S100A10: variants seen among roughly 807,000 people sequenced by gnomAD.
The protein encoded by S100A10 is protein S100-A10.
S100A10 carries 3 observed loss-of-function variants against 7.1 expected under a neutral mutation model. That is an observed-to-expected ratio of 0.42 (90% confidence interval 0.19 to 1.10). The LOEUF (loss-of-function observed/expected upper bound fraction) is 1.10, where lower values mean the gene tolerates loss of function less well. Among genes scored for constraint, S100A10 ranks in the 50% least tolerant of loss-of-function variants. S100A10 has a pLI of 0.29. For synonymous variants in S100A10, 41 were observed against 39.3 expected (o/e 1.04, Z -0.16); for missense variants, 101 against 118.1 (o/e 0.86, Z 0.67).
chr1:151,986,758 T>G (rs1252979095), intron 1 of S100A10, among the ~76,000 whole-genome samples: 2 of 152,204 alleles, frequency 1.3e-5, no homozygotes, highest in Non-Finnish European at 2.9e-5. Context: ...TAGATTTACA[T>G]TAACTTTTAA....
intron 1 of S100A10, among the ~76,000 whole-genome samples, chr1:151,989,770 C>T (rs1655868405): frequency 2.0e-5 from 3 of 152,210 alleles, no homozygotes; most frequent in Non-Finnish European, 4.4e-5. Flanking sequence ...TGAAGTTCTT[C>T]AGGGACTTCA....
Position 151,993,404 on chromosome 1 carries a change from G to C in S100A10, c.-22+348C>G, listed in dbSNP as rs1271688107. Among the ~76,000 whole-genome samples the C allele has an allele frequency of 6.6e-6, 1 of 152,206 alleles. No individual in the cohort carries two copies. The highest frequency in any genetic ancestry group is 2.4e-5 in the African/African-American group (1 of 41,450). On this transcript the variant is annotated intron_variant, in intron 1 of 2. Coordinates refer to ENST00000368811, the MANE Select transcript of S100A10 (RefSeq NM_002966.3). This position sits in a 1 kb window ranked among gnomAD's most constrained non-coding sequence, Gnocchi z 5.1. ...GTGTAGGAGGGATTCGGTAACCCGA[G>C]AGACGAGTGGGAAAGTAGGAAAGGT...
intron 2 of S100A10, chr1:151,985,335 C>T (rs1292758211): frequency 6.6e-6 from 1 of 152,184 alleles, no homozygotes; most frequent in Non-Finnish European, 1.5e-5. Context: ...CTCTCGAGAA[C>T]CTGGAATATA....
At chr1:151,988,642 GGA>G (rs1420436949) in intron 1 of S100A10, among the ~76,000 whole-genome samples, 4 of 152,230 alleles carry the variant, frequency 2.6e-5, no homozygotes, top group Admixed American at 2.6e-4. Flanking sequence ...TAGTTATCTT[GGA>G]GAGAGCTGCA....
chr1:151,987,027 C>CTTTTTTTTTTT (rs386368314), intron 1 of S100A10, among the ~76,000 whole-genome samples: 1 of 83,526 alleles, frequency 1.2e-5, no homozygotes, highest in Non-Finnish European at 2.1e-5. Flanking sequence ...CAGTGTTCCT[C>CTTTTTTTTTTT]TTTTTTTTTT....
At chr1:151,990,558 A>T (rs2101770946) in intron 1 of S100A10, among the ~76,000 whole-genome samples, 1 of 152,344 alleles carries the variant, frequency 6.6e-6, no homozygotes, top group Non-Finnish European at 1.5e-5. Flanking sequence ...TATGGAAAAC[A>T]ATTCTGGACT....
intron 1 of S100A10, among the ~76,000 whole-genome samples, chr1:151,990,932 A>G (rs1655892278): frequency 1.3e-5 from 2 of 152,206 alleles, no homozygotes; most frequent in African/African-American, 2.4e-5. Flanking sequence ...CGAGTAGCAG[A>G]CAAGCAGGAG....
Position 151,983,091 on chromosome 1 carries a change from C to A in S100A10, c.*72G>T. 2 of 1,073,988 alleles carry A rather than the reference C, an allele frequency of 1.9e-6. No individual in the cohort carries two copies. Among genetic ancestry groups the A allele is most frequent in the Non-Finnish European group, 2.6e-6 (2 of 782,544 alleles). The allele number at this position is 1,073,988 out of a possible 1,614,324, so 66.5% of individuals were successfully genotyped here. A position where few individuals can be genotyped will look rare whatever the true frequency, so the allele number is the denominator to read the frequency against. On this transcript the variant is annotated 3_prime_UTR_variant, in exon 3 of 3. Coordinates refer to ENST00000368811, the MANE Select transcript of S100A10 (RefSeq NM_002966.3). ...TCATGAAATCCTTCTATGGGGGAAG[C>A]TGTGGGGCAGATTCCTTAAGCGACC...
At chr1:151,989,441 C>T (rs1347472020) in intron 1 of S100A10, among the ~76,000 whole-genome samples, 2 of 152,096 alleles carry the variant, frequency 1.3e-5, no homozygotes, top group Non-Finnish European at 2.9e-5. Context: ...AGGGAGTAGC[C>T]AGGAGGTGAA....
In S100A10 at chr1:151,993,550, G is replaced by C. The variant is rs1319836028; in HGVS notation, c.-22+202C>G. 6.6e-6 allele frequency among the ~76,000 whole-genome samples: 1 copy of C among 152,148 alleles called. No homozygotes were observed. The highest frequency in any genetic ancestry group is 2.4e-5 in the African/African-American group (1 of 41,430). On this transcript the variant is annotated intron_variant, in intron 1 of 2. Coordinates refer to ENST00000368811, the MANE Select transcript of S100A10 (RefSeq NM_002966.3). This position sits in a 1 kb window ranked among gnomAD's most constrained non-coding sequence, Gnocchi z 5.1. Reference sequence around the variant, plus strand: ...GGTCCGCGTGGGTCTGGGGGCGGCCGCGCCCGGGCCGGGGAGGGGCGCTGC... The same window carrying C: ...GGTCCGCGTGGGTCTGGGGGCGGCCCCGCCCGGGCCGGGGAGGGGCGCTGC...
rs1443083125 is a variant in S100A10, at chr1:151,983,111, GCGAC to G, written c.*48_*51del. 2.2e-4 allele frequency: 294 copies of G among 1,339,278 alleles called. 1 individual carries two copies. Among genetic ancestry groups the G allele is most frequent in the Non-Finnish European group, 2.6e-4 (264 of 1,020,092 alleles). 83.0% of individuals were successfully genotyped at this position (1,339,278 alleles called of 1,614,324 possible). On this transcript the variant is annotated 3_prime_UTR_variant, in exon 3 of 3. Coordinates refer to ENST00000368811, the MANE Select transcript of S100A10 (RefSeq NM_002966.3). ...GGAAGCTGTGGGGCAGATTCCTTAA[GCGAC>G]CCTTTGGGACAACTCTTATCAGGGA... is the stretch of plus-strand genomic sequence containing the variant.
At chr1:151,985,456 A>G (rs950492235) in intron 2 of S100A10, 1 of 152,226 alleles carries the variant, frequency 6.6e-6, no homozygotes, top group Non-Finnish European at 1.5e-5. Flanking sequence ...GGTGAGACAT[A>G]AATTCAAACT....
At chr1:151,987,819 T>A (rs977129287) in intron 1 of S100A10, among the ~76,000 whole-genome samples, 1 of 152,226 alleles carries the variant, frequency 6.6e-6, no homozygotes, top group Non-Finnish European at 1.5e-5. Flanking sequence ...TGAGCCACTA[T>A]GCCCGGCCTA....
At chr1:151,983,619 T>C (rs1209968366) in intron 2 of S100A10, among the ~76,000 whole-genome samples, 1 of 152,170 alleles carries the variant, frequency 6.6e-6, no homozygotes, top group Non-Finnish European at 1.5e-5. Context: ...CATGGTCAAA[T>C]CCCTTACAAA....
At chr1:151,986,397 G>T in intron 1 of S100A10, 146 bp from the exon 2 acceptor site, 1 of 563,886 alleles carries the variant, frequency 1.8e-6, no homozygotes, top group East Asian at 3.4e-5. Context: ...TACATTGTGG[G>T]ATGACTGAAT....
At chr1:151,987,022 T>G (rs113068804) in intron 1 of S100A10, among the ~76,000 whole-genome samples, 2 of 137,706 alleles carry the variant, frequency 1.5e-5, no homozygotes, top group African/African-American at 5.3e-5. Flanking sequence ...AACATCAGTG[T>G]TCCTCTTTTT....
chr1:151,990,444 T>C (rs1392382285), intron 1 of S100A10, among the ~76,000 whole-genome samples: 3 of 152,242 alleles, frequency 2.0e-5, no homozygotes, highest in Non-Finnish European at 4.4e-5. Context: ...TCACCTTTTA[T>C]TGAAGTATTC....
In S100A10 at chr1:151,983,309, G is replaced by T. The variant is rs374255753; in HGVS notation, c.148C>A (p.Leu50Met). Reference sequence around the variant, plus strand: ...TCCTTCATTATTTTGTCCACAGCCAGAGGGTCTTTTTGATTCTGAAAAAAA... The same window carrying T: ...TCCTTCATTATTTTGTCCACAGCCATAGGGTCTTTTTGATTCTGAAAAAAA... ...PGFLENQKDPLAVDKIMKDLD... is the reference protein window; with the variant it reads ...PGFLENQKDPMAVDKIMKDLD... The change falls in exon 3 of 3, where the codon CTG becomes ATG. Residue 50 changes from leucine (L) to methionine (M), a missense_variant. Coordinates refer to ENST00000368811, the MANE Select transcript of S100A10 (RefSeq NM_002966.3). The T allele has an allele frequency of 3.8e-5, 59 of 1,550,682 alleles. No homozygotes were observed. Among genetic ancestry groups the T allele is most frequent in the Non-Finnish European group, 4.6e-5 (53 of 1,156,438 alleles).
intron 1 of S100A10, among the ~76,000 whole-genome samples, chr1:151,987,271 G>A (rs1012182353): frequency 6.6e-6 from 1 of 151,880 alleles, no homozygotes; most frequent in Admixed American, 6.6e-5. Flanking sequence ...CTCCCAAAGT[G>A]CTGGGATTAC....
Sources: gnomAD v4.1 joint callset for allele counts (sites outside exome capture counted in the v4.1 genomes callset) on GRCh38, gnomAD v4.1.1 for gene constraint, Gnocchi (gnomAD v3.1) non-coding constraint, MANE v1.5 for transcripts, NCBI Gene and HGNC (gene_info 2026-07-23, HGNC 2026-07-21) for gene names.